Variants in HIVEP1 observed in about 807,000 individuals in gnomAD.
HIVEP1 encodes HIVEP zinc finger 1.
Under a neutral mutation model 180.0 loss-of-function variants are expected in HIVEP1, and 36 were observed. The observed-to-expected ratio is 0.20, with a 90% CI of 0.15 to 0.26. The LOEUF (loss-of-function observed/expected upper bound fraction) is 0.26. Among genes scored for constraint, HIVEP1 ranks in the 10% least tolerant of loss-of-function variants. The pLI is 1.00. For missense variants in HIVEP1, 3,143 were observed against 3,268.7 expected, an observed-to-expected ratio of 0.96 and a Z score of 0.94; for synonymous variants, 1,239 against 1,239.0, an observed-to-expected ratio of 1.00 and a Z score of 0.00.
chr6:12,139,142 C>T (rs1318720158), intron 7 of HIVEP1, among the ~76,000 whole-genome samples: 1 of 152,006 alleles, frequency 6.6e-6, no homozygotes, highest in African/African-American at 2.4e-5. Flanking sequence ...TTAAAAGCCC[C>T]AGGGGTTTCC....
intron 2 of HIVEP1, among the ~76,000 whole-genome samples, chr6:12,043,666 C>T (rs370384106): frequency 2.0e-5 from 3 of 152,072 alleles, no homozygotes; most frequent in Non-Finnish European, 2.9e-5. Flanking sequence ...CGTGCCCAGC[C>T]GTGTAATTTG....
chr6:12,071,700 G>A (rs959888607), intron 2 of HIVEP1, among the ~76,000 whole-genome samples: 3 of 152,064 alleles, frequency 2.0e-5, no homozygotes, highest in African/African-American at 4.8e-5. Context: ...TTTCAGTTTT[G>A]TGTTATTAAA....
At chr6:12,160,360 A>G (rs1760320439) in intron 7 of HIVEP1, among the ~76,000 whole-genome samples, 1 of 152,248 alleles carries the variant, frequency 6.6e-6, no homozygotes, top group Non-Finnish European at 1.5e-5. Context: ...AATGGGTTGA[A>G]TCATATCACA....
chr6:12,182,157 C>T, the HIVEP1 span, among the ~76,000 whole-genome samples: 3 of 152,066 alleles, frequency 2.0e-5, no homozygotes, highest in South Asian at 2.1e-4. Context: ...CATGAAAAAT[C>T]GGAAAAGAAT....
intron 2 of HIVEP1, among the ~76,000 whole-genome samples, chr6:12,042,382 C>CTTTTTT (rs11317475): frequency 2.2e-5 from 3 of 133,424 alleles, no homozygotes; most frequent in Admixed American, 7.4e-5. Context: ...CACCCGGCCG[C>CTTTTTT]TTTTTTTTTT....
intron 2 of HIVEP1, among the ~76,000 whole-genome samples, chr6:12,054,923 T>TGTTAGG (rs1162235080): frequency 6.6e-6 from 1 of 152,242 alleles, no homozygotes; most frequent in East Asian, 1.9e-4. Flanking sequence ...AAGTTACCTT[T>TGTTAGG]GTTAGCTTCA....
At chr6:12,066,704 A>T (rs1308630733) in intron 2 of HIVEP1, among the ~76,000 whole-genome samples, 1 of 152,204 alleles carries the variant, frequency 6.6e-6, no homozygotes, top group African/African-American at 2.4e-5. Flanking sequence ...TATAAATTTT[A>T]TCATAAATAA....
chr6:12,113,764 C>A lies in HIVEP1; in HGVS notation c.95-6126C>A, dbSNP rs541830975. ...GCATTTTCCTGCTCACCTTGTCATG[C>A]TGTTCCCTAACTGGAAAGGACTTGT... On this transcript the variant is annotated intron_variant, in intron 3 of 8. Coordinates refer to ENST00000379388, the MANE Select transcript of HIVEP1 (RefSeq NM_002114.4). Among the ~76,000 whole-genome samples, 69 of 152,232 alleles carry A rather than the reference C, an allele frequency of 4.5e-4. No individual in the cohort carries two copies. The South Asian group carries it at 0.014, about 32-fold the overall frequency.
chr6:12,168,181 T>C (rs1166339690), downstream of HIVEP1, among the ~76,000 whole-genome samples: 83 of 69,302 alleles, frequency 1.2e-3, 8 homozygotes, highest in Non-Finnish European at 1.8e-3. Flanking sequence ...CTATATTATA[T>C]ATAGATATAC....
chr6:12,070,581 A>C (rs1451115109), intron 2 of HIVEP1, among the ~76,000 whole-genome samples: 1 of 152,222 alleles, frequency 6.6e-6, no homozygotes, highest in Non-Finnish European at 1.5e-5. Context: ...TCGTACATTT[A>C]GTCTGTTGTT....
intron 2 of HIVEP1, among the ~76,000 whole-genome samples, chr6:12,087,614 T>C (rs1345959632): frequency 6.6e-6 from 1 of 152,130 alleles, no homozygotes; most frequent in Non-Finnish European, 1.5e-5. Flanking sequence ...ATTTCGTTTT[T>C]TAAAAGTGGG....
downstream of HIVEP1, among the ~76,000 whole-genome samples, chr6:12,167,318 G>T (rs954056945): frequency 6.6e-6 from 1 of 151,652 alleles, no homozygotes; most frequent in Non-Finnish European, 1.5e-5. Context: ...TAACATCAGG[G>T]TTCTTTTTGA....
the HIVEP1 span, among the ~76,000 whole-genome samples, chr6:12,181,634 A>G: frequency 0.062 from 9,453 of 152,246 alleles, 364 homozygotes; most frequent in Non-Finnish European, 0.08. Flanking sequence ...GAAGTAATCC[A>G]AAAGAAAAGT....
chr6:12,051,146 A>G (rs1214274207), intron 2 of HIVEP1, among the ~76,000 whole-genome samples: 1 of 151,412 alleles, frequency 6.6e-6, no homozygotes, highest in East Asian at 1.9e-4. Flanking sequence ...TGGCAGAATT[A>G]CTTACTTGCT....
At chr6:12,166,379 G>A (rs1440249974), downstream of HIVEP1, among the ~76,000 whole-genome samples, 1 of 152,160 alleles carries the variant, frequency 6.6e-6, no homozygotes. Context: ...TACGATGTGA[G>A]TGGATGTTCC....
At chr6:12,047,300 C>A (rs972249938) in intron 2 of HIVEP1, among the ~76,000 whole-genome samples, 3 of 152,208 alleles carry the variant, frequency 2.0e-5, no homozygotes, top group African/African-American at 7.2e-5. Context: ...TCAAGTGTAG[C>A]CCTTGTACAG....
At chr6:12,079,933 C>CATCTATCTATCT (rs60204350) in intron 2 of HIVEP1, among the ~76,000 whole-genome samples, 2,499 of 149,232 alleles carry the variant, frequency 0.017, 16 homozygotes, top group East Asian at 0.038. Context: ...TTCCTGATGG[C>CATCTATCTATCT]ATCTATCTAT....
intron 3 of HIVEP1, among the ~76,000 whole-genome samples, chr6:12,107,711 G>A (rs532116841): frequency 6.6e-6 from 1 of 152,312 alleles, no homozygotes; most frequent in African/African-American, 2.4e-5. Context: ...GTGAGCAGCA[G>A]CAGGATTTGT....
At chr6:12,049,127 G>C (rs1365772899) in intron 2 of HIVEP1, among the ~76,000 whole-genome samples, 2 of 152,182 alleles carry the variant, frequency 1.3e-5, no homozygotes, top group African/African-American at 4.8e-5. Context: ...TTTATAACCA[G>C]AACATTTATT....
Sources: gnomAD v4.1 joint callset for allele counts (sites outside exome capture counted in the v4.1 genomes callset) on GRCh38, gnomAD v4.1.1 for gene constraint, MANE v1.5 for transcripts, NCBI Gene and HGNC (gene_info 2026-07-23, HGNC 2026-07-21) for gene names.